NCOA2: variants seen among roughly 807,000 people sequenced by gnomAD.
NCOA2 encodes the protein nuclear receptor coactivator 2.
In NCOA2, 21 loss-of-function variants were observed where a neutral mutation model predicts 145.1. The ratio of observed to expected loss-of-function variants is 0.14; its 90% CI spans 0.10 to 0.21. The LOEUF (loss-of-function observed/expected upper bound fraction) is 0.21, where lower values mean the gene tolerates loss of function less well. NCOA2 is among the 10% of genes least tolerant of loss of function. The probability of loss-of-function intolerance (pLI) is 1.00; values close to 1 mark genes in which losing one functional copy is unlikely to be tolerated. For missense variants in NCOA2, 1,472 were observed against 1,837.6 expected, an observed-to-expected ratio of 0.80 and a Z score of 3.64; for synonymous variants, 619 against 637.5, an observed-to-expected ratio of 0.97 and a Z score of 0.44.
At chr8:70,380,299 C>A (rs1812068746) in intron 1 of NCOA2, among the ~76,000 whole-genome samples, 1 of 152,104 alleles carries the variant, frequency 6.6e-6, no homozygotes, top group African/African-American at 2.4e-5. Flanking sequence ...TGAGATCCTA[C>A]TAGGTTTCAG....
At chr8:70,376,774 C>T (rs1811702479) in intron 1 of NCOA2, among the ~76,000 whole-genome samples, 1 of 152,160 alleles carries the variant, frequency 6.6e-6, no homozygotes, top group Admixed American at 6.5e-5. Context: ...TACAGACCAA[C>T]ACAACACTTA....
At chr8:70,290,480 G>A (rs903862645) in intron 2 of NCOA2, among the ~76,000 whole-genome samples, 3 of 152,026 alleles carry the variant, frequency 2.0e-5, no homozygotes, top group South Asian at 2.1e-4. Flanking sequence ...GAGCCAACGC[G>A]CCCGGCCTAT....
At chr8:70,284,995 C>T (rs1048232718) in intron 2 of NCOA2, among the ~76,000 whole-genome samples, 24 of 152,092 alleles carry the variant, frequency 1.6e-4, no homozygotes, top group Admixed American at 1.6e-3. Context: ...AATAAAGGAC[C>T]CTCAAGGTAG....
chr8:70,278,156 T>C (rs557435512), intron 2 of NCOA2, among the ~76,000 whole-genome samples: 30 of 152,332 alleles, frequency 2.0e-4, no homozygotes, highest in African/African-American at 7.0e-4. Context: ...AATGGAATCA[T>C]ACAATATATG....
At chr8:70,208,916 C>A (rs922844241) in intron 4 of NCOA2, among the ~76,000 whole-genome samples, 1 of 152,336 alleles carries the variant, frequency 6.6e-6, no homozygotes, top group Middle Eastern at 3.4e-3. Context: ...AGTATCTATG[C>A]TATAGCCATG....
intron 1 of NCOA2, among the ~76,000 whole-genome samples, chr8:70,385,428 CA>C (rs1239693824): frequency 1.3e-5 from 2 of 152,090 alleles, no homozygotes; most frequent in African/African-American, 4.8e-5. Context: ...CAAGAAACTC[CA>C]ATTTTATTTT....
intron 1 of NCOA2, among the ~76,000 whole-genome samples, chr8:70,334,017 CT>C (rs1373215649): frequency 6.6e-6 from 1 of 152,072 alleles, no homozygotes; most frequent in Non-Finnish European, 1.5e-5. Context: ...CTTCAATAGC[CT>C]TTGAACTACC....
At chr8:70,217,773 G>A (rs1819764024) in intron 2 of NCOA2, among the ~76,000 whole-genome samples, 1 of 152,100 alleles carries the variant, frequency 6.6e-6, no homozygotes, top group Admixed American at 6.5e-5. Context: ...AACCATAAAA[G>A]ACTGCTACTC....
At chr8:70,113,877 T>C (rs930194605) in intron 22 of NCOA2, among the ~76,000 whole-genome samples, 5 of 152,176 alleles carry the variant, frequency 3.3e-5, no homozygotes, top group Admixed American at 3.3e-4. Context: ...TACATGCTAT[T>C]TCTCGCAGGC....
the NCOA2 span, among the ~76,000 whole-genome samples, chr8:70,448,981 A>T: frequency 3.9e-5 from 6 of 152,058 alleles, no homozygotes; most frequent in Non-Finnish European, 5.9e-5. Flanking sequence ...ATTAAAAAAA[A>T]TTTTTTTAGA....
intron 2 of NCOA2, among the ~76,000 whole-genome samples, chr8:70,223,615 T>A (rs1209698878): frequency 6.6e-6 from 1 of 152,218 alleles, no homozygotes; most frequent in African/African-American, 2.4e-5. Flanking sequence ...GTAATGATAA[T>A]AACCATCATC....
At chr8:70,264,005 G>A (rs907226617) in intron 2 of NCOA2, among the ~76,000 whole-genome samples, 19 of 152,296 alleles carry the variant, frequency 1.2e-4, no homozygotes, top group Non-Finnish European at 1.9e-4. Context: ...TTGAGATTGG[G>A]AGTTTGAGAC....
At position 70,320,767 on chromosome 8, in the gene NCOA2, G is replaced by C. The variant is rs141637434; in HGVS notation, c.-76-23967C>G. On this transcript the variant is annotated intron_variant, in intron 1 of 22. Coordinates refer to ENST00000452400, the MANE Select transcript of NCOA2 (RefSeq NM_006540.4). ...GGTTTTCTTGGAGGAGTATTGATCT[G>C]CTCTTAATAAAAAATAATGAAAGGT... Among the ~76,000 whole-genome samples, 584 of 152,206 alleles carry C rather than the reference G, an allele frequency of 3.8e-3. 18 individuals are homozygous for C. Among genetic ancestry groups the C allele is most frequent in the Admixed American group, 0.037 (563 of 15,294 alleles).
At chr8:70,387,682 T>C (rs1333421946) in intron 1 of NCOA2, among the ~76,000 whole-genome samples, 1 of 118,240 alleles carries the variant, frequency 8.5e-6, no homozygotes, top group Non-Finnish European at 1.6e-5. Flanking sequence ...GCTTCCTCTC[T>C]GATGAATCTG....
the NCOA2 span, among the ~76,000 whole-genome samples, chr8:70,422,375 A>G: frequency 2.0e-5 from 3 of 151,448 alleles, no homozygotes; most frequent in Admixed American, 6.6e-5. Flanking sequence ...ATATCCTTGT[A>G]TGTGAATTAT....
rs144983631 is a variant in NCOA2 at position 70,303,903 on chromosome 8, C to T, written c.-76-7103G>A. ...GAGCATGCCACCCTAACAACCAATC[C>T]ACCCCCACCTCAAGTAAAAAGGCCC... is the stretch of plus-strand genomic sequence containing the variant. On this transcript the variant is annotated intron_variant, in intron 1 of 22. Transcript: ENST00000452400. Among the ~76,000 whole-genome samples, 710 of 152,080 alleles carry T rather than the reference C, an allele frequency of 4.7e-3. 2 individuals are homozygous for T. Among genetic ancestry groups the T allele is most frequent in the Non-Finnish European group, 7.1e-3 (483 of 67,974 alleles).
chr8:70,245,300 G>A (rs373653208), intron 2 of NCOA2: 2 of 152,170 alleles, frequency 1.3e-5, no homozygotes, highest in African/African-American at 4.8e-5. Context: ...CTGCTGATCA[G>A]ACAGATCCCC....
In NCOA2 at chr8:70,156,356, C is replaced by T; in HGVS notation, c.2009G>A (p.Gly670Asp). 1 of 1,613,880 alleles carries T rather than the reference C, an allele frequency of 6.2e-7. No individual in the cohort carries two copies. Residue 670 changes from glycine (G) to aspartate (D), a missense_variant, in exon 11 of 23, where the codon GGT becomes GAT. This residue lies in a region of NCOA2 where 953 missense variants were observed against 1,062.1 expected (regional missense o/e 0.90). Transcript: ENST00000452400. Reference protein sequence around the residue: ...SLSDTNKDSTGSLPGSGSTHG... With the variant: ...SLSDTNKDSTDSLPGSGSTHG... ...TGTAGACCCAGAACCAGGCAAGCTA[C>T]CTGTGGAGTCTTTGTTTGTATCCGA...
chr8:70,166,462 C>T (rs935443339), intron 7 of NCOA2, 104 bp downstream of exon 7: 5 of 1,291,842 alleles, frequency 3.9e-6, no homozygotes, highest in African/African-American at 3.0e-5. Context: ...AACAAAGATA[C>T]TGCCTCCTCA....
Sources: allele counts gnomAD v4.1 joint callset (sites outside exome capture counted in the v4.1 genomes callset), GRCh38; gene constraint gnomAD v4.1.1; regional missense constraint gnomAD v4.1.1; transcripts MANE v1.5; gene names NCBI Gene and HGNC (gene_info 2026-07-23, HGNC 2026-07-21).